ARHGAP10: variants seen among roughly 807,000 people sequenced by gnomAD.
ARHGAP10 encodes the protein Rho GTPase activating protein 10.
Under a neutral mutation model 108.6 loss-of-function variants are expected in ARHGAP10, and 87 were observed. The observed-to-expected ratio is 0.80, with a 90% CI of 0.67 to 0.96. The LOEUF (loss-of-function observed/expected upper bound fraction) is 0.96. Among genes scored for constraint, ARHGAP10 ranks in the 40% least tolerant of loss-of-function variants. ARHGAP10 has a pLI of 0.00. For missense variants in ARHGAP10, 939 were observed against 954.5 expected, an observed-to-expected ratio of 0.98 and a Z score of 0.21; for synonymous variants, 347 against 341.1, an observed-to-expected ratio of 1.02 and a Z score of -0.19.
intron 1 of ARHGAP10, among the ~76,000 whole-genome samples, chr4:147,750,389 A>G (rs563096297): frequency 5.9e-5 from 9 of 152,300 alleles, no homozygotes; most frequent in African/African-American, 1.9e-4. Context: ...GGAAGAAAGA[A>G]TGGAACGGGA....
chr4:147,856,784 G>A (rs536173755), intron 4 of ARHGAP10, among the ~76,000 whole-genome samples: 1 of 152,298 alleles, frequency 6.6e-6, no homozygotes, highest in South Asian at 2.1e-4. Flanking sequence ...GACCATTAGG[G>A]AAGATCTTTC....
At chr4:147,882,756 G>A (rs534175186) in intron 10 of ARHGAP10, among the ~76,000 whole-genome samples, 1 of 152,266 alleles carries the variant, frequency 6.6e-6, no homozygotes, top group East Asian at 1.9e-4. Context: ...TTGCCAGAGA[G>A]GAAGAAGTAG....
At chr4:147,950,494 C>CA (rs1208456864) in intron 15 of ARHGAP10, among the ~76,000 whole-genome samples, 7 of 152,102 alleles carry the variant, frequency 4.6e-5, no homozygotes, top group Admixed American at 4.6e-4. Flanking sequence ...TTTTCTCACC[C>CA]AAAAAAGCTC....
chr4:147,852,718 TTTTTTTTTTTTTA>T (rs1243183667), intron 4 of ARHGAP10, among the ~76,000 whole-genome samples: 3 of 31,732 alleles, frequency 9.5e-5, no homozygotes, highest in Non-Finnish European at 2.0e-4. Context: ...TTTTTTTTTT[TTTTTTTTTTTTTA>T]AAATGGAGCG....
Position 147,880,155 on chromosome 4 carries a change from A to G in ARHGAP10, c.939+817A>G, listed in dbSNP as rs191830645. 6.8e-3 allele frequency among the ~76,000 whole-genome samples: 1,042 copies of G among 152,364 alleles called. 5 individuals carry two copies. The highest frequency in any genetic ancestry group is 0.023 in the Admixed American group (350 of 15,302). On this transcript the variant is annotated intron_variant, in intron 9 of 22. Transcript: ENST00000336498. ...TAAATGGAATCTGCAGCTTATTACA[A>G]TAATTAATGGCCTAGAGACAAAGCT...
chr4:147,991,657 A>G (rs765348542), intron 18 of ARHGAP10, among the ~76,000 whole-genome samples: 2 of 152,230 alleles, frequency 1.3e-5, no homozygotes, highest in Non-Finnish European at 2.9e-5. Context: ...GTTTGGGCAC[A>G]TGGGATACAC....
At chr4:147,999,941 T>TA (rs780343081) in intron 18 of ARHGAP10, among the ~76,000 whole-genome samples, 1 of 149,294 alleles carries the variant, frequency 6.7e-6, no homozygotes, top group Non-Finnish European at 1.5e-5. Context: ...TTTTTTTTTT[T>TA]AAATTATACT....
At chr4:147,861,691 G>A (rs1265270803) in intron 5 of ARHGAP10, 1 of 152,268 alleles carries the variant, frequency 6.6e-6, no homozygotes, top group Non-Finnish European at 1.5e-5. Flanking sequence ...CACTGGAGAG[G>A]AGACCTGTAG....
At chr4:148,059,087 C>T (rs751200068) in intron 20 of ARHGAP10, among the ~76,000 whole-genome samples, 1 of 152,120 alleles carries the variant, frequency 6.6e-6, no homozygotes, top group Non-Finnish European at 1.5e-5. Flanking sequence ...GTGAAACACT[C>T]TTGTTTCTAT....
Position 148,006,512 on chromosome 4 carries a change from A to G in ARHGAP10, c.1717-16751A>G, listed in dbSNP as rs556579503. On this transcript the variant is annotated intron_variant, in intron 18 of 22. Coordinates refer to ENST00000336498, the MANE Select transcript of ARHGAP10 (RefSeq NM_024605.4). ...GCCAGAATATTCCTAGCATAATAAA[A>G]TGGTGGTGGTCTGCCACTGTGGAGC... Among the ~76,000 whole-genome samples the G allele has an allele frequency of 1.5e-3, 228 of 152,264 alleles. 1 individual carries two copies. Among genetic ancestry groups the G allele is most frequent in the Non-Finnish European group, 2.7e-3 (182 of 67,996 alleles).
Position 147,741,782 on chromosome 4 carries a change from A to ACACACACG in ARHGAP10, c.154+9334_154+9335insGCACACAC, listed in dbSNP as rs1417182217. Among the ~76,000 whole-genome samples, 262 of 36,416 alleles carry ACACACACG rather than the reference A, an allele frequency of 7.2e-3. 1 individual carries two copies. Among genetic ancestry groups the ACACACACG allele is most frequent in the Admixed American group, 0.018 (50 of 2,808 alleles). The allele number at this position is 36,416 out of a possible 152,430, so 23.9% of individuals were successfully genotyped here. ...TCGTTCTCTTTACACACACACACAC[A>ACACACACG]CACACACACGCACACACACACACAC... On this transcript the variant is annotated intron_variant, in intron 1 of 22. Transcript: ENST00000336498.
intron 1 of ARHGAP10, among the ~76,000 whole-genome samples, chr4:147,742,868 C>G (rs976749884): frequency 6.7e-6 from 1 of 149,950 alleles, no homozygotes; most frequent in Admixed American, 6.7e-5. Context: ...AGAAATCATC[C>G]ATAATAGTGT....
chr4:147,814,817 G>A (rs115286159), intron 1 of ARHGAP10, among the ~76,000 whole-genome samples: 4,979 of 152,056 alleles, frequency 0.033, 95 homozygotes, highest in South Asian at 0.1. Flanking sequence ...CATTCTTAAT[G>A]ACCTCATTTT....
chr4:147,948,839 G>T (rs531688738), intron 15 of ARHGAP10, among the ~76,000 whole-genome samples: 1 of 151,600 alleles, frequency 6.6e-6, no homozygotes, highest in African/African-American at 2.4e-5. Flanking sequence ...GGTGGTGGGC[G>T]CCTGTAGTCG....
chr4:147,858,469 A>G (rs1260777380), intron 5 of ARHGAP10: 1 of 152,150 alleles, frequency 6.6e-6, no homozygotes, highest in Non-Finnish European at 1.5e-5. Context: ...ATTATATTTA[A>G]ATGTTAGCTA....
chr4:147,940,029 G>A, intron 14 of ARHGAP10, 130 bp downstream of exon 14: 1 of 858,530 alleles, frequency 1.2e-6, no homozygotes, highest in Non-Finnish European at 1.8e-6. Context: ...GGAGTTTTCT[G>A]CTGAGCAGAG....
At chr4:147,964,679 G>C (rs555130664) in intron 16 of ARHGAP10, among the ~76,000 whole-genome samples, 29 of 152,272 alleles carry the variant, frequency 1.9e-4, no homozygotes, top group African/African-American at 7.0e-4. Flanking sequence ...GTGACCCAGT[G>C]ACTAGACCCC....
intron 13 of ARHGAP10, among the ~76,000 whole-genome samples, chr4:147,927,901 C>T (rs1477811008): frequency 6.6e-6 from 1 of 152,144 alleles, no homozygotes; most frequent in East Asian, 1.9e-4. Context: ...TGTGGGGCCC[C>T]AAAGGTTACT....
intron 14 of ARHGAP10, among the ~76,000 whole-genome samples, chr4:147,943,168 T>A (rs1316032543): frequency 6.6e-6 from 1 of 152,232 alleles, no homozygotes; most frequent in East Asian, 1.9e-4. Flanking sequence ...TACTTTAGTT[T>A]AAAACATCAG....
Sources: gnomAD v4.1 joint callset for allele counts (sites outside exome capture counted in the v4.1 genomes callset) on GRCh38, gnomAD v4.1.1 for gene constraint, MANE v1.5 for transcripts, NCBI Gene and HGNC (gene_info 2026-07-23, HGNC 2026-07-21) for gene names.